Variants in LDAH observed in about 807,000 individuals in gnomAD.
LDAH encodes the protein lipid droplet associated hydrolase, also known as lipid droplet-associated hydrolase.
LDAH carries 26 observed loss-of-function variants against 29.6 expected under a neutral mutation model. The ratio of observed to expected loss-of-function variants is 0.88; its 90% confidence interval spans 0.64 to 1.22. LDAH has a LOEUF of 1.22. Ranked by LOEUF, LDAH falls within the 50% of genes most tolerant of loss-of-function variation. LDAH has a pLI of 0.00. For missense variants in LDAH, 344 were observed against 387.3 expected, an observed-to-expected ratio of 0.89 and a Z score of 0.94; for synonymous variants, 117 against 133.0, an observed-to-expected ratio of 0.88 and a Z score of 0.83.
At chr2:20,766,317 T>C (rs1376952022) in intron 4 of LDAH, among the ~76,000 whole-genome samples, 1 of 152,244 alleles carries the variant, frequency 6.6e-6, no homozygotes, top group African/African-American at 2.4e-5. Context: ...CATTGATGGC[T>C]GACTTGGTCA....
chr2:20,738,795 G>T (rs1292140953), intron 5 of LDAH, among the ~76,000 whole-genome samples: 1 of 152,186 alleles, frequency 6.6e-6, no homozygotes, highest in Non-Finnish European at 1.5e-5. Context: ...ACTGAACCTT[G>T]TATTTTTGAG....
intron 5 of LDAH, among the ~76,000 whole-genome samples, chr2:20,736,927 G>C (rs1666830414): frequency 6.6e-6 from 1 of 152,136 alleles, no homozygotes; most frequent in African/African-American, 2.4e-5. Context: ...AAATATAAAT[G>C]TTAATAAATT....
intron 3 of LDAH, 33 bp from the exon 4 acceptor site, chr2:20,775,012 A>C: frequency 6.5e-7 from 1 of 1,539,386 alleles, no homozygotes; most frequent in South Asian, 1.2e-5. Context: ...GTTTTCATTA[A>C]GTAAAAGTAA....
chr2:20,793,541 G>A (rs1671107221), intron 2 of LDAH, among the ~76,000 whole-genome samples: 1 of 152,118 alleles, frequency 6.6e-6, no homozygotes, highest in South Asian at 2.1e-4. Flanking sequence ...AGCATAACAA[G>A]AGATATCAAA....
chr2:20,726,236 C>A (rs1178106514), intron 5 of LDAH, among the ~76,000 whole-genome samples: 1 of 152,170 alleles, frequency 6.6e-6, no homozygotes, highest in Non-Finnish European at 1.5e-5. Flanking sequence ...TGAGAGGAGG[C>A]AGGGTAGGAG....
At chr2:20,821,169 G>A in intron 1 of LDAH, among the ~76,000 whole-genome samples, 1 of 152,328 alleles carries the variant, frequency 6.6e-6, no homozygotes, top group African/African-American at 2.4e-5. Context: ...CTGTTGGTGG[G>A]ACTGTAAACT....
chr2:20,819,587 C>T (rs1001386190), intron 1 of LDAH, among the ~76,000 whole-genome samples: 1 of 152,146 alleles, frequency 6.6e-6, no homozygotes, highest in East Asian at 1.9e-4. Flanking sequence ...GCTAAAAACT[C>T]TCAATAGATA....
chr2:20,703,742 C>G (rs1277711012), intron 5 of LDAH, among the ~76,000 whole-genome samples: 1 of 152,132 alleles, frequency 6.6e-6, no homozygotes, highest in Non-Finnish European at 1.5e-5. Context: ...GGACCACTGT[C>G]GACTTAGAAT....
chr2:20,708,184 A>G (rs1311592864), intron 5 of LDAH, among the ~76,000 whole-genome samples: 2 of 152,110 alleles, frequency 1.3e-5, no homozygotes, highest in African/African-American at 4.8e-5. Context: ...TCATCCCCAA[A>G]CCATTCCCCC....
rs927948158 is a variant in LDAH, at chr2:20,698,961, T to A, written c.786+2609A>T. ...GAAATCCAGTGGTAGAAAATTTGGA[T>A]TTAGAACCAAAGCCTGTAGATTATG... On this transcript the variant is annotated intron_variant, in intron 6 of 6. Transcript: ENST00000237822. This position sits in a 1 kb window ranked among gnomAD's most constrained non-coding sequence, Gnocchi z 4.4. Among the ~76,000 whole-genome samples, 1 of 152,114 alleles carries A rather than the reference T, an allele frequency of 6.6e-6. No homozygotes were observed. Among genetic ancestry groups the A allele is most frequent in the Non-Finnish European group, 1.5e-5 (1 of 68,020 alleles).
chr2:20,693,564 C>T (rs964343275), intron 6 of LDAH, among the ~76,000 whole-genome samples: 6 of 152,074 alleles, frequency 3.9e-5, no homozygotes, highest in South Asian at 2.1e-4. Flanking sequence ...ATCCTCAAGC[C>T]GCCACTAACA....
In LDAH at chr2:20,798,459, A is replaced by G. The variant is rs1248743210; in HGVS notation, c.154+2851T>C. ...ATGAGTGATTAAAGCACAAAAAACT[A>G]AGCAAAAAGATAACAGAACATCATT... On this transcript the variant is annotated intron_variant, in intron 2 of 6. Transcript: ENST00000237822. Among the ~76,000 whole-genome samples, 4 of 152,094 alleles carry G rather than the reference A, an allele frequency of 2.6e-5. No homozygotes were observed. In the East Asian group the frequency reaches 7.7e-4, roughly 29 times the overall value.
At chr2:20,757,785 AG>A (rs1668432083) in intron 4 of LDAH, among the ~76,000 whole-genome samples, 1 of 152,082 alleles carries the variant, frequency 6.6e-6, no homozygotes, top group African/African-American at 2.4e-5. Flanking sequence ...CCTTCAAGCT[AG>A]GACTTTTTTT....
In LDAH at chr2:20,687,059, A is replaced by G. The variant is rs759801400; in HGVS notation, c.822T>C (p.Cys274=). The G allele has an allele frequency of 6.2e-7, 1 of 1,613,766 alleles. No individual in the cohort carries two copies. Among genetic ancestry groups the G allele is most frequent in the Non-Finnish European group, 8.5e-7 (1 of 1,179,882 alleles). The change falls in exon 7 of 7, where the codon TGT becomes TGC. Residue 274 remains cysteine, a synonymous_variant. Transcript: ENST00000237822. The part of the protein sequence containing the change: ...TFYYGTIDPW[C]PKEYYEDIKK... The stretch of plus-strand genomic sequence containing the variant: ...TAATGTCTTCATAGTACTCTTTTGG[A>G]CACCAAGGATCTATAGTACCATAAT...
chr2:20,745,981 A>G (rs1484376786), intron 4 of LDAH, among the ~76,000 whole-genome samples: 3 of 152,112 alleles, frequency 2.0e-5, no homozygotes, highest in African/African-American at 7.2e-5. Context: ...TTGGAAAAAT[A>G]AATTTTGTGG....
intron 4 of LDAH, among the ~76,000 whole-genome samples, chr2:20,766,510 T>C (rs527567998): frequency 3.9e-5 from 6 of 152,348 alleles, no homozygotes; most frequent in Admixed American, 6.5e-5. Flanking sequence ...GAGATCTTCA[T>C]AGGGGCAGCC....
At chr2:20,754,904 T>C (rs535030192) in intron 4 of LDAH, among the ~76,000 whole-genome samples, 2 of 152,208 alleles carry the variant, frequency 1.3e-5, no homozygotes, top group South Asian at 4.1e-4. Context: ...AGAGGGAAAA[T>C]GCTATCAAGG....
intron 4 of LDAH, among the ~76,000 whole-genome samples, chr2:20,754,696 G>A (rs1668207381): frequency 6.6e-6 from 1 of 151,948 alleles, no homozygotes; most frequent in Non-Finnish European, 1.5e-5. Context: ...AGCTAAGAAT[G>A]CAAAACCTTA....
intron 5 of LDAH, among the ~76,000 whole-genome samples, chr2:20,707,155 T>C (rs1057363385): frequency 6.6e-6 from 1 of 152,204 alleles, no homozygotes; most frequent in African/African-American, 2.4e-5. Context: ...TAAATCCTGC[T>C]GGGAATTATT....
Sources: gnomAD v4.1 joint callset for allele counts (sites outside exome capture counted in the v4.1 genomes callset) on GRCh38, gnomAD v4.1.1 for gene constraint, Gnocchi (gnomAD v3.1) non-coding constraint, MANE v1.5 for transcripts, NCBI Gene and HGNC (gene_info 2026-07-23, HGNC 2026-07-21) for gene names.